MTO1: variants seen among roughly 807,000 people sequenced by gnomAD.
MTO1 encodes the protein 5-taurinomethyluridine-[tRNA] synthase subunit MTO1, mitochondrial.
A neutral mutation model predicts 71.6 loss-of-function variants in MTO1; 46 were observed. The ratio of observed to expected loss-of-function variants is 0.64; its 90% confidence interval spans 0.51 to 0.82. The LOEUF (loss-of-function observed/expected upper bound fraction) is 0.82. Among genes scored for constraint, MTO1 ranks in the 40% least tolerant of loss-of-function variants. The pLI is 0.00. For synonymous variants in MTO1, 297 were observed against 312.1 expected, an observed-to-expected ratio of 0.95 and a Z score of 0.51; for missense variants, 773 against 867.5, an observed-to-expected ratio of 0.89 and a Z score of 1.37.
Position 73,503,492 on chromosome 6 carries a change from C to G in MTO1, c.*2757C>G, listed in dbSNP as rs1265230610. ...ACTTAATATGTCAAAACAGCCTACC[C>G]TCTGGTGCTGCTATGCAGAAGTACT... On this transcript the variant is annotated 3_prime_UTR_variant, in exon 12 of 12. Transcript: ENST00000498286. The G allele has an allele frequency of 6.6e-6, 1 of 152,194 alleles. No individual in the cohort carries two copies. Among genetic ancestry groups the G allele is most frequent in the Admixed American group, 6.5e-5 (1 of 15,268 alleles). The allele number at this position is 152,194 out of a possible 1,614,324, so 9.4% of individuals were successfully genotyped here. A position where few individuals can be genotyped will look rare whatever the true frequency, so the allele number is the denominator to read the frequency against.
intron 11 of MTO1, among the ~76,000 whole-genome samples, chr6:73,500,182 T>C (rs1772115220): frequency 6.6e-6 from 1 of 152,170 alleles, no homozygotes; most frequent in Admixed American, 6.6e-5. Flanking sequence ...GTTTATTTTC[T>C]GTAGAGACAG....
intron 1 of MTO1, among the ~76,000 whole-genome samples, chr6:73,462,895 A>T (rs1770870265): frequency 6.6e-6 from 1 of 151,898 alleles, no homozygotes; most frequent in African/African-American, 2.4e-5. Flanking sequence ...CGCTTTCTGG[A>T]CTCAAGAACT....
rs148583024 is a variant in MTO1, at chr6:73,475,627, G to A, written c.825+1973G>A. ...CCTCACGGGTTCGAGCAATTCTCCC[G>A]CCTCAGTCTCTTAAGTAGCTGGGAT... On this transcript the variant is annotated intron_variant, in intron 4 of 11. Transcript: ENST00000498286. Among the ~76,000 whole-genome samples the A allele has an allele frequency of 4.6e-3, 698 of 151,482 alleles. 6 individuals carry two copies. The highest frequency in any genetic ancestry group is 0.016 in the African/African-American group (668 of 41,266).
Position 73,466,527 on chromosome 6 carries a change from G to A in MTO1, c.456G>A (p.Glu152=). ...ILNTPLLTVQ[E]GAVEDLILTE... The stretch of plus-strand genomic sequence containing the variant: ...ATACACCACTGCTTACTGTTCAGGA[G>A]GGAGCTGTAGAAGATCTTATTCTTA... The change falls in exon 3 of 12, where the codon GAG becomes GAA. Residue 152 remains glutamate, a synonymous_variant. Coordinates refer to ENST00000498286, the MANE Select transcript of MTO1 (RefSeq NM_012123.4). 6.2e-7 allele frequency: 1 copy of A among 1,614,164 alleles called. No homozygotes were observed. The highest frequency in any genetic ancestry group is 8.5e-7 in the Non-Finnish European group (1 of 1,180,026).
rs752977187 is a variant in MTO1, at chr6:73,479,966, G to A, written c.969G>A (p.Leu323=). The part of the protein sequence containing the change: ...RYCPSIESKV[L]RFPNRLHQVW... ...GTCCCTCCATTGAATCAAAAGTTTT[G>A]CGTTTTCCAAACCGTCTACATCAGG... is the stretch of plus-strand genomic sequence containing the variant. The change falls in exon 6 of 12, where the codon TTG becomes TTA. Residue 323 remains leucine (L), a synonymous_variant. Transcript: ENST00000498286. 6.8e-5 allele frequency: 109 copies of A among 1,613,038 alleles called. No homozygotes were observed. The highest frequency in any genetic ancestry group is 9.0e-5 in the Non-Finnish European group (106 of 1,179,678).
intron 4 of MTO1, among the ~76,000 whole-genome samples, chr6:73,476,096 C>T (rs1771309925): frequency 6.6e-6 from 1 of 151,976 alleles, no homozygotes; most frequent in Admixed American, 6.6e-5. Flanking sequence ...GGCGTGGTGG[C>T]TCATGCCTGT....
intron 3 of MTO1, among the ~76,000 whole-genome samples, chr6:73,466,997 TC>T (rs142870286): frequency 0.028 from 4,194 of 152,262 alleles, 191 homozygotes; most frequent in African/African-American, 0.095. Flanking sequence ...TCAAAATAAC[TC>T]ATGCATATAA....
rs1420820227 is a variant in MTO1 at position 73,502,901 on chromosome 6, A to C, written c.*2166A>C. ...ACAGAGTGAGACTCTGTCTCAAAAA[A>C]AAAAAAAGAAACAGGAAGTTCAAAT... On this transcript the variant is annotated 3_prime_UTR_variant, in exon 12 of 12. Coordinates refer to ENST00000498286, the MANE Select transcript of MTO1 (RefSeq NM_012123.4). The C allele has an allele frequency of 6.6e-6, 1 of 152,144 alleles. No homozygotes were observed. The highest frequency in any genetic ancestry group is 1.9e-4 in the East Asian group (1 of 5,180). 9.4% of individuals were successfully genotyped at this position (152,144 alleles called of 1,614,324 possible). A position where few individuals can be genotyped will look rare whatever the true frequency, so the allele number is the denominator to read the frequency against.
At chr6:73,463,051 T>C (rs1436290482) in intron 1 of MTO1, among the ~76,000 whole-genome samples, 2 of 148,552 alleles carry the variant, frequency 1.3e-5, no homozygotes, top group Admixed American at 6.8e-5. Flanking sequence ...TGAGACAGAG[T>C]CTTGCACTGT....
At position 73,500,645 on chromosome 6, in the gene MTO1, C is replaced by T. The variant is rs1772134168; in HGVS notation, c.1989C>T (p.Thr663=). The T allele has an allele frequency of 6.2e-7, 1 of 1,613,888 alleles. No individual in the cohort carries two copies. The highest frequency in any genetic ancestry group is 1.3e-5 in the African/African-American group (1 of 75,028). ...AIINLLRFVK[T]TQRRQSAMNE... The stretch of plus-strand genomic sequence containing the variant: ...TCAATCTGCTGAGATTTGTGAAGAC[C>T]ACTCAACGAAGACAGTCGGCTATGA... Residue 663 remains threonine, a synonymous_variant, in exon 12 of 12, where the codon ACC becomes ACT. Coordinates refer to ENST00000498286, the MANE Select transcript of MTO1 (RefSeq NM_012123.4).
In MTO1 at chr6:73,479,715, TG is replaced by T. The variant is rs755203235; in HGVS notation, c.826-15del. On this transcript the variant is annotated splice_polypyrimidine_tract_variant and intron_variant, in intron 4 of 11. Coordinates refer to ENST00000498286, the MANE Select transcript of MTO1 (RefSeq NM_012123.4). ...TAGATAAGCAAATCAGTATTGCATC[TG>T]GTTACTGTTTTTTAGCCAGAAGATC... 1.3e-6 allele frequency: 2 copies of T among 1,577,020 alleles called. No homozygotes were observed. The highest frequency in any genetic ancestry group is 1.7e-6 in the Non-Finnish European group (2 of 1,149,884).
intron 3 of MTO1, chr6:73,471,477 T>C (rs776017502): frequency 1.3e-5 from 6 of 449,948 alleles, no homozygotes; most frequent in South Asian, 9.4e-5. Context: ...TGCAGTGGCA[T>C]GATCACAGCT....
Position 73,482,618 on chromosome 6 carries a change from C to A in MTO1, c.1635C>A (p.Val545=). Reference sequence around the variant, plus strand: ...TAAGTACTAGTAGAAGTCTGCCTGTCAGGTATGCATTTTTAATATAGACCT... The same window carrying A: ...TAAGTACTAGTAGAAGTCTGCCTGTAAGGTATGCATTTTTAATATAGACCT... The part of the protein sequence containing the change: ...ASISTSRSLP[V]RALDVLKYEE... The change falls in exon 9 of 12, where the codon GTC becomes GTA. Residue 545 remains valine, a splice_region_variant and synonymous_variant. Coordinates refer to ENST00000498286, the MANE Select transcript of MTO1 (RefSeq NM_012123.4). The A allele has an allele frequency of 1.3e-6, 2 of 1,593,528 alleles. No individual in the cohort carries two copies. Among genetic ancestry groups the A allele is most frequent in the South Asian group, 2.3e-5 (2 of 88,028 alleles).
At chr6:73,473,002 G>A (rs977842407) in intron 3 of MTO1, among the ~76,000 whole-genome samples, 8 of 152,184 alleles carry the variant, frequency 5.3e-5, no homozygotes, top group Admixed American at 2.0e-4. Flanking sequence ...TAGGCCGGGC[G>A]CGGTGGCTCA....
chr6:73,465,515 G>A (rs1230964633), intron 1 of MTO1, among the ~76,000 whole-genome samples: 1 of 151,934 alleles, frequency 6.6e-6, no homozygotes, highest in Admixed American at 6.6e-5. Context: ...TGAAGGACTA[G>A]GGACTTCTTA....
rs756364022 is a variant in MTO1 at position 73,463,288 on chromosome 6, C to A, written c.217+1217C>A. On this transcript the variant is annotated intron_variant, in intron 1 of 11. Coordinates refer to ENST00000498286, the MANE Select transcript of MTO1 (RefSeq NM_012123.4). ...CCTTGTGATCCGCCCGCCTCGGCCT[C>A]CCAAAATGCTGGGATTACAGGCATG... Among the ~76,000 whole-genome samples the A allele has an allele frequency of 3.1e-4, 47 of 152,006 alleles. 1 individual carries two copies. The highest frequency in any genetic ancestry group is 6.3e-4 in the Non-Finnish European group (43 of 68,008).
chr6:73,461,782 T>A lies in MTO1; in HGVS notation c.-73T>A. ...AGCAAGATGGCCGCGCCCTGCAGATTGTCTCTTGTTGCGTAAGTTTTTTTG... is the reference window on the plus strand; with the variant it reads ...AGCAAGATGGCCGCGCCCTGCAGATAGTCTCTTGTTGCGTAAGTTTTTTTG... On this transcript the variant is annotated 5_prime_UTR_variant, in exon 1 of 12. It introduces an in-frame stop codon into an upstream open reading frame of the 5' UTR. Coordinates refer to ENST00000498286, the MANE Select transcript of MTO1 (RefSeq NM_012123.4). The A allele has an allele frequency of 2.0e-6, 3 of 1,495,918 alleles. No individual in the cohort carries two copies. The South Asian group carries it at 3.6e-5, about 18-fold the overall frequency. The allele number at this position is 1,495,918 out of a possible 1,614,324, so 92.7% of individuals were successfully genotyped here. A position where few individuals can be genotyped will look rare whatever the true frequency, so the allele number is the denominator to read the frequency against.
chr6:73,489,619 C>T (rs150734324), intron 9 of MTO1, among the ~76,000 whole-genome samples: 1 of 152,000 alleles, frequency 6.6e-6, no homozygotes, highest in Admixed American at 6.6e-5. Flanking sequence ...ATGAACTCAT[C>T]TTTTTTTATG....
In MTO1 at chr6:73,505,241, C is replaced by A. The variant is rs1263346123; in HGVS notation, c.*4506C>A. ...AGCATTAATTCACAATAGCCAAAAG[C>A]TGGAAGTAGCCCAAGTATCCACCAA... On this transcript the variant is annotated 3_prime_UTR_variant, in exon 12 of 12. Coordinates refer to ENST00000498286, the MANE Select transcript of MTO1 (RefSeq NM_012123.4). 1 of 151,962 alleles carries A rather than the reference C, an allele frequency of 6.6e-6. No homozygotes were observed. The highest frequency in any genetic ancestry group is 2.4e-5 in the African/African-American group (1 of 41,356). 9.4% of individuals were successfully genotyped at this position (151,962 alleles called of 1,614,324 possible). A position where few individuals can be genotyped will look rare whatever the true frequency, so the allele number is the denominator to read the frequency against.
Sources: allele counts gnomAD v4.1 joint callset (sites outside exome capture counted in the v4.1 genomes callset), GRCh38; gene constraint gnomAD v4.1.1; transcripts MANE v1.5; gene names NCBI Gene and HGNC (gene_info 2026-07-23, HGNC 2026-07-21).